HS6ST3: variants seen among roughly 807,000 people sequenced by gnomAD.
HS6ST3 encodes heparan-sulfate 6-O-sulfotransferase 3.
Under a neutral mutation model 36.7 loss-of-function variants are expected in HS6ST3, and 12 were observed. That is an observed-to-expected ratio of 0.33 (90% CI 0.21 to 0.53). The LOEUF is 0.53. HS6ST3 is among the 20% of genes least tolerant of loss of function. The probability of loss-of-function intolerance (pLI) is 0.95; values close to 1 mark genes in which losing one functional copy is unlikely to be tolerated. For synonymous variants in HS6ST3, 240 were observed against 257.5 expected, an observed-to-expected ratio of 0.93 and a Z score of 0.65; for missense variants, 584 against 640.9, an observed-to-expected ratio of 0.91 and a Z score of 0.96.
At chr13:96,299,179 G>A (rs2038823) in intron 1 of HS6ST3, among the ~76,000 whole-genome samples, 61 of 152,174 alleles carry the variant, frequency 4.0e-4, no homozygotes, top group African/African-American at 1.3e-3. Context: ...CGTAGAATTC[G>A]CAATCTATTG....
chr13:96,420,927 AC>A (rs1200040920), intron 1 of HS6ST3, among the ~76,000 whole-genome samples: 1 of 152,108 alleles, frequency 6.6e-6, no homozygotes, highest in Non-Finnish European at 1.5e-5. Flanking sequence ...CTCCAGTTTG[AC>A]CTTTTTTCCT....
chr13:96,193,310 A>T (rs1231688043), intron 1 of HS6ST3, among the ~76,000 whole-genome samples: 1 of 152,212 alleles, frequency 6.6e-6, no homozygotes, highest in East Asian at 1.9e-4. Context: ...ACATGGCTTG[A>T]CAGTTCAATT....
At chr13:96,459,085 C>CAGAGCAAGACT (rs2055768505) in intron 1 of HS6ST3, among the ~76,000 whole-genome samples, 1 of 68,740 alleles carries the variant, frequency 1.5e-5, no homozygotes, top group African/African-American at 5.3e-5. Flanking sequence ...GCCTGGGCGA[C>CAGAGCAAGACT]AGAGCAAGAC....
intron 1 of HS6ST3, among the ~76,000 whole-genome samples, chr13:96,689,239 T>C (rs1443847680): frequency 6.6e-6 from 1 of 152,056 alleles, no homozygotes; most frequent in Non-Finnish European, 1.5e-5. Flanking sequence ...AAGTTATTAC[T>C]ACTCCCAAGC....
At chr13:96,211,753 C>CT (rs1340399735) in intron 1 of HS6ST3, among the ~76,000 whole-genome samples, 2 of 152,136 alleles carry the variant, frequency 1.3e-5, no homozygotes, top group Non-Finnish European at 2.9e-5. Context: ...TTCTGGGAAA[C>CT]TTAAAATTTT....
At chr13:96,094,440 T>C (rs891968536) in intron 1 of HS6ST3, among the ~76,000 whole-genome samples, 1 of 152,202 alleles carries the variant, frequency 6.6e-6, no homozygotes, top group Non-Finnish European at 1.5e-5. Flanking sequence ...CTTACAGAGA[T>C]ACCATTTTAT....
chr13:96,677,711 C>T (rs1273027393), intron 1 of HS6ST3, among the ~76,000 whole-genome samples: 1 of 152,086 alleles, frequency 6.6e-6, no homozygotes, highest in African/African-American at 2.4e-5. Flanking sequence ...GCTCTGCACT[C>T]AATTCTTATA....
intron 1 of HS6ST3, among the ~76,000 whole-genome samples, chr13:96,489,990 A>G (rs950251039): frequency 3.9e-5 from 6 of 152,096 alleles, no homozygotes; most frequent in African/African-American, 1.4e-4. Flanking sequence ...AGCTCCATCC[A>G]TCCCTTCTAC....
At chr13:96,278,153 C>A (rs1290098989) in intron 1 of HS6ST3, among the ~76,000 whole-genome samples, 2 of 152,182 alleles carry the variant, frequency 1.3e-5, no homozygotes, top group Non-Finnish European at 2.9e-5. Flanking sequence ...AGGAGTAGAA[C>A]TGCCAGTAGG....
At chr13:96,211,836 AC>A (rs1252596549) in intron 1 of HS6ST3, among the ~76,000 whole-genome samples, 1 of 152,016 alleles carries the variant, frequency 6.6e-6, no homozygotes, top group Admixed American at 6.6e-5. Flanking sequence ...TCTCTCACTT[AC>A]CCTCCTTTTG....
At chr13:96,739,439 A>G (rs1876378648) in intron 1 of HS6ST3, among the ~76,000 whole-genome samples, 1 of 152,006 alleles carries the variant, frequency 6.6e-6, no homozygotes, top group Non-Finnish European at 1.5e-5. Flanking sequence ...AAGCCTCCCA[A>G]TCTTAGGATA....
At chr13:96,172,215 C>T (rs780683973) in intron 1 of HS6ST3, among the ~76,000 whole-genome samples, 5 of 152,218 alleles carry the variant, frequency 3.3e-5, no homozygotes, top group Admixed American at 6.5e-5. Context: ...TTTCATTCCA[C>T]AGTGATCTTC....
intron 1 of HS6ST3, among the ~76,000 whole-genome samples, chr13:96,380,622 A>G (rs1023223444): frequency 6.6e-6 from 1 of 152,190 alleles, no homozygotes; most frequent in African/African-American, 2.4e-5. Flanking sequence ...TATCTACTTT[A>G]TCAGTTTGTA....
At chr13:96,643,836 A>G (rs1486361133) in intron 1 of HS6ST3, among the ~76,000 whole-genome samples, 2 of 151,856 alleles carry the variant, frequency 1.3e-5, no homozygotes, top group Non-Finnish European at 2.9e-5. Flanking sequence ...TTTTAAGGTT[A>G]CCTCAGAAAT....
Position 96,468,518 on chromosome 13 carries a change from CATA to C in HS6ST3, c.708-363968_708-363966del, listed in dbSNP as rs150182557. 5.4e-3 allele frequency among the ~76,000 whole-genome samples: 809 copies of C among 148,652 alleles called. 7 individuals carry two copies. Among genetic ancestry groups the C allele is most frequent in the African/African-American group, 0.019 (788 of 40,466 alleles). On this transcript the variant is annotated intron_variant, in intron 1 of 1. Coordinates refer to ENST00000376705, the MANE Select transcript of HS6ST3 (RefSeq NM_153456.4). The stretch of plus-strand genomic sequence containing the variant: ...CACACACACACACACACACACACTC[CATA>C]ATATTATCAATTCTGTCTTCTTTTT...
At chr13:96,300,357 G>A (rs1244540902) in intron 1 of HS6ST3, among the ~76,000 whole-genome samples, 2 of 151,802 alleles carry the variant, frequency 1.3e-5, no homozygotes, top group Admixed American at 6.6e-5. Flanking sequence ...ACACCTGGCC[G>A]TGGTACACAT....
At chr13:96,700,321 T>C (rs546696209) in intron 1 of HS6ST3, among the ~76,000 whole-genome samples, 2 of 152,212 alleles carry the variant, frequency 1.3e-5, no homozygotes, top group African/African-American at 4.8e-5. Context: ...GTGAGACTTA[T>C]TCACTACCAC....
intron 1 of HS6ST3, among the ~76,000 whole-genome samples, chr13:96,823,768 T>C (rs1196548430): frequency 1.3e-5 from 2 of 152,054 alleles, no homozygotes; most frequent in African/African-American, 4.8e-5. Flanking sequence ...TACAGTCGCA[T>C]GCCACCATGC....
chr13:96,388,227 C>T (rs1399218651), intron 1 of HS6ST3, among the ~76,000 whole-genome samples: 1 of 152,176 alleles, frequency 6.6e-6, no homozygotes, highest in East Asian at 1.9e-4. Context: ...TGAATCAAAA[C>T]AACCTTACTG....
Sources: gnomAD v4.1 joint callset for allele counts (sites outside exome capture counted in the v4.1 genomes callset) on GRCh38, gnomAD v4.1.1 for gene constraint, MANE v1.5 for transcripts, NCBI Gene and HGNC (gene_info 2026-07-23, HGNC 2026-07-21) for gene names.